Variants in WWOX observed in about 807,000 individuals in gnomAD.
WWOX encodes WW domain containing oxidoreductase, also known as WW domain-containing oxidoreductase.
WWOX carries 69 observed loss-of-function variants against 46.2 expected under a neutral mutation model. The observed-to-expected ratio is 1.49, with a 90% CI of 1.23 to 1.82. The LOEUF (loss-of-function observed/expected upper bound fraction) is 1.82, where lower values mean the gene tolerates loss of function less well. Ranked by LOEUF, WWOX falls within the 40% of genes most tolerant of loss-of-function variation. WWOX has a pLI of 0.00. For missense variants in WWOX, 919 were observed against 542.6 expected (o/e 1.69, Z -6.89); for synonymous variants, 359 against 202.6 (o/e 1.77, Z -6.56).
At chr16:79,068,730 G>A (rs558243904) in intron 8 of WWOX, among the ~76,000 whole-genome samples, 4 of 151,578 alleles carry the variant, frequency 2.6e-5, no homozygotes, top group Admixed American at 2.0e-4. Flanking sequence ...AGGATGGCTC[G>A]AGCCCAGGAG....
chr16:78,796,381 T>C (rs2050737927), intron 8 of WWOX, among the ~76,000 whole-genome samples: 1 of 152,172 alleles, frequency 6.6e-6, no homozygotes, highest in Admixed American at 6.5e-5. Context: ...TCCAAGGAGT[T>C]ATTATAGGTC....
At chr16:78,419,548 T>C (rs562888034) in intron 6 of WWOX, among the ~76,000 whole-genome samples, 16 of 144,270 alleles carry the variant, frequency 1.1e-4, no homozygotes, top group African/African-American at 4.2e-4. Context: ...TCAACAGTGA[T>C]GCTAGAACCA....
At chr16:78,995,923 T>C (rs548338820) in intron 8 of WWOX, among the ~76,000 whole-genome samples, 1 of 152,354 alleles carries the variant, frequency 6.6e-6, no homozygotes, top group South Asian at 2.1e-4. Flanking sequence ...TTTATACCTC[T>C]GTGACAGTTC....
chr16:78,590,911 A>G (rs911032171), intron 8 of WWOX, among the ~76,000 whole-genome samples: 19 of 152,186 alleles, frequency 1.2e-4, no homozygotes, highest in Admixed American at 5.2e-4. Flanking sequence ...GACACTGTGC[A>G]TTTCTAAATC....
chr16:78,492,037 G>GA (rs11371213), intron 8 of WWOX, among the ~76,000 whole-genome samples: 120,346 of 152,006 alleles, frequency 0.79, 48,698 homozygotes, highest in Admixed American at 0.88. Context: ...AGGGAGTGGG[G>GA]GTGTGGGGGT....
intron 8 of WWOX, among the ~76,000 whole-genome samples, chr16:78,925,379 A>G: frequency 6.6e-6 from 1 of 152,156 alleles, no homozygotes; most frequent in East Asian, 1.9e-4. Flanking sequence ...CTTCTCAGTT[A>G]TTGTTTGAAA....
intron 8 of WWOX, among the ~76,000 whole-genome samples, chr16:78,797,667 C>T (rs565969424): frequency 6.6e-6 from 1 of 152,118 alleles, no homozygotes; most frequent in Non-Finnish European, 1.5e-5. Context: ...AAGTAGCAAA[C>T]AATATCCCAG....
At chr16:78,154,298 C>T (rs1204739420) in intron 4 of WWOX, among the ~76,000 whole-genome samples, 2 of 152,090 alleles carry the variant, frequency 1.3e-5, no homozygotes, top group Non-Finnish European at 1.5e-5. Context: ...CCATTGTGAC[C>T]ACTGGAGGTA....
At chr16:78,528,885 A>C (rs899499740) in intron 8 of WWOX, among the ~76,000 whole-genome samples, 1 of 151,684 alleles carries the variant, frequency 6.6e-6, no homozygotes, top group Non-Finnish European at 1.5e-5. Context: ...CACATCATAG[A>C]TGGAGAGTCA....
intron 8 of WWOX, among the ~76,000 whole-genome samples, chr16:78,931,807 C>G (rs989319591): frequency 6.6e-6 from 1 of 152,168 alleles, no homozygotes; most frequent in Non-Finnish European, 1.5e-5. Context: ...CCACCCAAGT[C>G]TCATCTTGAA....
intron 4 of WWOX, among the ~76,000 whole-genome samples, chr16:78,129,559 T>G (rs1363242136): frequency 6.6e-6 from 1 of 152,150 alleles, no homozygotes; most frequent in Admixed American, 6.5e-5. Flanking sequence ...CATTTTTGTG[T>G]TTGCTTATTT....
At chr16:78,212,288 C>T (rs1243301577) in intron 5 of WWOX, among the ~76,000 whole-genome samples, 1 of 152,156 alleles carries the variant, frequency 6.6e-6, no homozygotes, top group Non-Finnish European at 1.5e-5. Context: ...TCAATCTAGG[C>T]TGGTAGGAAT....
chr16:78,199,920 T>C (rs1167064023), intron 5 of WWOX, among the ~76,000 whole-genome samples: 1 of 152,094 alleles, frequency 6.6e-6, no homozygotes, highest in East Asian at 1.9e-4. Context: ...AAAACACTAA[T>C]GTATGCAAGA....
intron 5 of WWOX, among the ~76,000 whole-genome samples, chr16:78,319,097 A>G (rs2080413285): frequency 6.6e-6 from 1 of 152,122 alleles, no homozygotes; most frequent in African/African-American, 2.4e-5. Context: ...GGGGAGAGAG[A>G]GTCGGATGAG....
intron 8 of WWOX, among the ~76,000 whole-genome samples, chr16:78,618,249 A>G (rs2046078968): frequency 6.6e-6 from 1 of 152,226 alleles, no homozygotes; most frequent in South Asian, 2.1e-4. Context: ...GCACTGACGC[A>G]GTTCTCACTC....
At chr16:79,036,295 A>T (rs958304020) in intron 8 of WWOX, among the ~76,000 whole-genome samples, 1 of 152,192 alleles carries the variant, frequency 6.6e-6, no homozygotes, top group African/African-American at 2.4e-5. Flanking sequence ...TGCCCATCAG[A>T]TGGCACCTCT....
chr16:78,677,011 A>C (rs1038259166), intron 8 of WWOX, among the ~76,000 whole-genome samples: 2 of 152,136 alleles, frequency 1.3e-5, no homozygotes, highest in African/African-American at 4.8e-5. Flanking sequence ...AACGTAAGCA[A>C]ATTTAAAAAA....
Position 78,615,834 on chromosome 16 carries a change from T to TCCGCC in WWOX, c.1056+183083_1056+183087dup, listed in dbSNP as rs1350112797. 2.0e-5 allele frequency among the ~76,000 whole-genome samples: 3 copies of TCCGCC among 151,488 alleles called. No homozygotes were observed. The East Asian group carries it at 5.9e-4, about 30-fold the overall frequency. On this transcript the variant is annotated intron_variant, in intron 8 of 8. Coordinates refer to ENST00000566780, the MANE Select transcript of WWOX (RefSeq NM_016373.4). ...GGCACAGTCTCCGCTCACTGTAAGC[T>TCCGCC]CCGCCTCCCGAGTTCACGCCATTCT...
chr16:78,141,209 A>G (rs1356128331), intron 4 of WWOX, among the ~76,000 whole-genome samples: 2 of 152,198 alleles, frequency 1.3e-5, no homozygotes, highest in Admixed American at 1.3e-4. Flanking sequence ...TGCAGAGGCA[A>G]TTTAAATGCC....
Sources: gnomAD v4.1 joint callset for allele counts (sites outside exome capture counted in the v4.1 genomes callset) on GRCh38, gnomAD v4.1.1 for gene constraint, MANE v1.5 for transcripts, NCBI Gene and HGNC (gene_info 2026-07-23, HGNC 2026-07-21) for gene names.